Variants in UPF3B observed in about 807,000 individuals in gnomAD.
UPF3B encodes UPF3B regulator of nonsense mediated mRNA decay.
A neutral mutation model predicts 40.3 loss-of-function variants in UPF3B; 7 were observed. The observed-to-expected ratio is 0.17, with a 90% CI of 0.10 to 0.33. The LOEUF (loss-of-function observed/expected upper bound fraction) is 0.33. Ranked by LOEUF, UPF3B falls within the 10% of genes least tolerant of loss-of-function variation. UPF3B has a pLI of 1.00. For synonymous variants in UPF3B, 117 were observed against 117.3 expected, an observed-to-expected ratio of 1.00 and a Z score of 0.01; for missense variants, 229 against 358.9, an observed-to-expected ratio of 0.64 and a Z score of 2.93.
chrX:119,805,692 C>T (rs1277146940), intron 6 of UPF3B, among the ~76,000 whole-genome samples: 4 of 110,541 alleles, frequency 3.6e-5, no homozygotes, highest in African/African-American at 1.3e-4. Flanking sequence ...AGACACTTCT[C>T]AAAAGAAGAC....
rs1360388211 is a variant in UPF3B at position 119,852,758 on chromosome X, C to T, written c.156+15G>A. 1 of 1,212,182 alleles carries T rather than the reference C, an allele frequency of 8.2e-7. No homozygotes were observed. The highest frequency in any genetic ancestry group is 2.2e-5 in the Admixed American group (1 of 46,135). ...CTCGTCCCGCCCTCTCCCGGGCCAGCGGCCGACCGGGCACCTTGCTCAGCG... is the reference window on the plus strand; with the variant it reads ...CTCGTCCCGCCCTCTCCCGGGCCAGTGGCCGACCGGGCACCTTGCTCAGCG... On this transcript the variant is annotated intron_variant, in intron 1 of 10. Transcript: ENST00000276201.
intron 4 of UPF3B, among the ~76,000 whole-genome samples, chrX:119,818,506 G>A (rs1422173986): frequency 9.0e-6 from 1 of 111,583 alleles, no homozygotes; most frequent in Non-Finnish European, 1.9e-5. Context: ...ATTGAACCCG[G>A]GAGGCAGAGG....
At position 119,845,300 on chromosome X, in the gene UPF3B, T is replaced by C; in HGVS notation, c.371-4A>G. On this transcript the variant is annotated splice_polypyrimidine_tract_variant and splice_region_variant and intron_variant, in intron 3 of 10. Coordinates refer to ENST00000276201, the MANE Select transcript of UPF3B (RefSeq NM_080632.3). ...ACTATAGCGGGATATTCCTGACCTG[T>C]TTAGAAAAAAAATACCACACTTGCT... The C allele has an allele frequency of 1.7e-6, 2 of 1,193,848 alleles. No individual in the cohort carries two copies. The highest frequency in any genetic ancestry group is 2.3e-6 in the Non-Finnish European group (2 of 880,590).
At chrX:119,809,672 G>T (rs1033116760) in intron 5 of UPF3B, among the ~76,000 whole-genome samples, 3 of 112,066 alleles carry the variant, frequency 2.7e-5, no homozygotes, top group African/African-American at 6.5e-5. Context: ...AATGAGCTGA[G>T]ATCGCGCCAC....
chrX:119,844,239 T>C (rs2056200396), intron 4 of UPF3B, among the ~76,000 whole-genome samples: 1 of 110,670 alleles, frequency 9.0e-6, no homozygotes, highest in Middle Eastern at 4.2e-3. Flanking sequence ...TTAGTAGAGA[T>C]GGGGTGTCAC....
chrX:119,814,206 T>A (rs1046066171), intron 5 of UPF3B, among the ~76,000 whole-genome samples: 3 of 111,598 alleles, frequency 2.7e-5, no homozygotes, highest in African/African-American at 9.8e-5. Flanking sequence ...GCAGTTTCCT[T>A]CCTGGAGAGG....
downstream of UPF3B, among the ~76,000 whole-genome samples, chrX:119,833,617 G>A (rs2056059376): frequency 9.0e-6 from 1 of 111,386 alleles, no homozygotes; most frequent in South Asian, 3.7e-4. Context: ...AGCAATTCTC[G>A]TGCCTCAGCC....
At chrX:119,850,183 C>T (rs2056286201) in intron 3 of UPF3B, among the ~76,000 whole-genome samples, 1 of 110,741 alleles carries the variant, frequency 9.0e-6, no homozygotes, top group African/African-American at 3.3e-5. Context: ...TCTGTAGTCC[C>T]AGCTACTCAG....
intron 3 of UPF3B, among the ~76,000 whole-genome samples, chrX:119,847,360 T>G (rs753867480): frequency 3.6e-5 from 4 of 110,372 alleles, no homozygotes; most frequent in Admixed American, 2.9e-4. Flanking sequence ...GGCAGGAGAA[T>G]TGCTTGAACC....
downstream of UPF3B, among the ~76,000 whole-genome samples, chrX:119,829,788 TA>T (rs1253659092): frequency 5.4e-5 from 6 of 111,894 alleles, no homozygotes; most frequent in Middle Eastern, 4.2e-3. Context: ...AATGGACCCC[TA>T]AAAATGGATG....
chrX:119,843,384 A>G, intron 4 of UPF3B, 83 bp from the exon 5 acceptor site: 1 of 691,261 alleles, frequency 1.4e-6, no homozygotes, highest in Non-Finnish European at 2.2e-6. Flanking sequence ...TGATTTATCA[A>G]AGAAGATAAT....
chrX:119,830,747 A>C (rs2056027735), downstream of UPF3B, among the ~76,000 whole-genome samples: 1 of 109,913 alleles, frequency 9.1e-6, no homozygotes, highest in Non-Finnish European at 1.9e-5. Flanking sequence ...GTCTCAAAAA[A>C]AAAAAAAAAG....
intron 4 of UPF3B, 30 bp from the exon 5 acceptor site, chrX:119,843,331 A>G: frequency 1.0e-6 from 1 of 958,071 alleles, no homozygotes; most frequent in Non-Finnish European, 1.5e-6. Flanking sequence ...AACAGAAAAT[A>G]TAATAGACTT....
At chrX:119,848,407 T>C (rs1569463440) in intron 3 of UPF3B, among the ~76,000 whole-genome samples, 1 of 110,702 alleles carries the variant, frequency 9.0e-6, no homozygotes. Flanking sequence ...CTATATGTGG[T>C]ACCTACAGTA....
chrX:119,833,495 A>C (rs12558835), downstream of UPF3B, among the ~76,000 whole-genome samples: 865 of 110,657 alleles, frequency 7.8e-3, 35 homozygotes, highest in Admixed American at 0.053. Flanking sequence ...GCACACCACT[A>C]TGCCCAGCTA....
intron 3 of UPF3B, among the ~76,000 whole-genome samples, chrX:119,827,824 C>G (rs1177569546): frequency 1.8e-5 from 2 of 109,351 alleles, no homozygotes; most frequent in East Asian, 5.8e-4. Flanking sequence ...CCTTTGCCTC[C>G]GGGTTCAAGC....
chrX:119,847,176 G>T (rs1387780694), intron 3 of UPF3B, among the ~76,000 whole-genome samples: 1 of 112,147 alleles, frequency 8.9e-6, no homozygotes, highest in Non-Finnish European at 1.9e-5. Context: ...GTATTGGTGG[G>T]AATGTAAAAT....
chrX:119,846,505 T>TA lies in UPF3B; in HGVS notation c.371-1210dup, dbSNP rs780880120. Among the ~76,000 whole-genome samples, 572 of 57,907 alleles carry TA rather than the reference T, an allele frequency of 9.9e-3. 3 individuals carry two copies. The highest frequency in any genetic ancestry group is 0.04 in the East Asian group (88 of 2,179). 50.3% of individuals were successfully genotyped at this position (57,907 alleles called of 115,157 possible). Reference sequence around the variant, plus strand: ...ATTGTGCCACTGCACTCGAGCCTGGTAAAAAAAAAAAAAAAAAAAGAAAAA... The same window carrying TA: ...ATTGTGCCACTGCACTCGAGCCTGGTAAAAAAAAAAAAAAAAAAAAGAAAAA... On this transcript the variant is annotated intron_variant, in intron 3 of 10. Transcript: ENST00000276201.
chrX:119,823,556 C>CTTTTTTTTTTTTTTTTTT (rs1569459617), intron 3 of UPF3B, among the ~76,000 whole-genome samples: 2 of 42,090 alleles, frequency 4.8e-5, no homozygotes, highest in African/African-American at 3.8e-4. Context: ...TCTTTTTTTC[C>CTTTTTTTTTTTTTTTTTT]TCTTTTTTTT....
Sources: gnomAD v4.1 joint callset for allele counts (sites outside exome capture counted in the v4.1 genomes callset) on GRCh38, gnomAD v4.1.1 for gene constraint, MANE v1.5 for transcripts, NCBI Gene and HGNC (gene_info 2026-07-23, HGNC 2026-07-21) for gene names.